ABCB1: variants seen among roughly 807,000 people sequenced by gnomAD.
The protein encoded by ABCB1 is ATP-dependent translocase ABCB1.
A neutral mutation model predicts 142.0 loss-of-function variants in ABCB1; 69 were observed. The observed-to-expected ratio is 0.49, with a 90% CI of 0.40 to 0.59. ABCB1 has a LOEUF of 0.59. ABCB1 is among the 20% of genes least tolerant of loss of function. ABCB1 has a pLI of 0.00. For missense variants in ABCB1, 1,326 were observed against 1,554.7 expected, an observed-to-expected ratio of 0.85 and a Z score of 2.47; for synonymous variants, 532 against 539.2, an observed-to-expected ratio of 0.99 and a Z score of 0.18.
chr7:87,569,973 C>T (rs1817968640), intron 5 of ABCB1, among the ~76,000 whole-genome samples, 199 bp downstream of exon 5: 1 of 152,098 alleles, frequency 6.6e-6, no homozygotes, highest in South Asian at 2.1e-4. Flanking sequence ...CATATATGTC[C>T]ATTTTAAGCT....
chr7:87,516,387 G>A, intron 24 of ABCB1, 122 bp downstream of exon 24: 1 of 1,263,334 alleles, frequency 7.9e-7, no homozygotes, highest in South Asian at 1.2e-5. Context: ...AGGAATCTAT[G>A]ATCTAGGAAG....
chr7:87,521,841 G>A (rs1177139321), intron 21 of ABCB1: 2 of 773,380 alleles, frequency 2.6e-6, no homozygotes, highest in African/African-American at 3.4e-5. Context: ...ATTTTGAATA[G>A]TATGGAAAAA....
intron 4 of ABCB1, among the ~76,000 whole-genome samples, chr7:87,584,962 C>CA (rs1818673693): frequency 6.7e-6 from 1 of 150,146 alleles, no homozygotes; most frequent in Admixed American, 6.6e-5. Flanking sequence ...CCCCCCCACA[C>CA]ACACACACAC....
chr7:87,553,980 G>C, intron 8 of ABCB1, 48 bp from the exon 9 acceptor site: 1 of 1,533,158 alleles, frequency 6.5e-7, no homozygotes. Flanking sequence ...ATGAAAACAT[G>C]TCGATATAGC....
intron 1 of ABCB1, among the ~76,000 whole-genome samples, chr7:87,670,264 T>G (rs1466212382): frequency 6.6e-6 from 1 of 152,248 alleles, no homozygotes; most frequent in Non-Finnish European, 1.5e-5. Context: ...TTTCTTCTGC[T>G]GTCAATACTT....
intron 1 of ABCB1, among the ~76,000 whole-genome samples, chr7:87,639,470 A>C (rs1039066363): frequency 1.7e-4 from 26 of 152,046 alleles, no homozygotes; most frequent in African/African-American, 5.6e-4. Context: ...TATACTCTTT[A>C]GTATTGAGAG....
Position 87,503,910 on chromosome 7 carries a change from A to T in ABCB1, c.*333T>A, listed in dbSNP as rs1052812678. 6 of 352,140 alleles carry T rather than the reference A, an allele frequency of 1.7e-5. No individual in the cohort carries two copies. The highest frequency in any genetic ancestry group is 3.2e-5 in the Non-Finnish European group (6 of 188,054). 21.8% of individuals were successfully genotyped at this position (352,140 alleles called of 1,614,324 possible). On this transcript the variant is annotated 3_prime_UTR_variant, in exon 28 of 28. Transcript: ENST00000622132. ...TATAGACACTTTATGCAAACATTTC[A>T]ATACTTTTTGCTACTTCTATAATCT...
At chr7:87,607,690 C>A (rs1327562147) in intron 1 of ABCB1, among the ~76,000 whole-genome samples, 2 of 151,896 alleles carry the variant, frequency 1.3e-5, no homozygotes, top group Admixed American at 6.6e-5. Context: ...TAGCTGGGAC[C>A]AAAGGTGTGC....
intron 21 of ABCB1, among the ~76,000 whole-genome samples, chr7:87,525,673 C>T (rs1815750544): frequency 6.6e-6 from 1 of 151,834 alleles, no homozygotes; most frequent in South Asian, 2.1e-4. Flanking sequence ...AGGTCTTTAT[C>T]TTCATCATCT....
intron 7 of ABCB1, among the ~76,000 whole-genome samples, chr7:87,565,314 A>G (rs1817743196): frequency 6.6e-6 from 1 of 152,218 alleles, no homozygotes; most frequent in South Asian, 2.1e-4. Context: ...CACAAAAATT[A>G]CATACTGGGC....
intron 1 of ABCB1, among the ~76,000 whole-genome samples, chr7:87,691,714 C>T (rs1245648789): frequency 6.6e-6 from 1 of 152,136 alleles, no homozygotes; most frequent in African/African-American, 2.4e-5. Context: ...ACATGTTTCA[C>T]TACCTCATGT....
intron 22 of ABCB1, among the ~76,000 whole-genome samples, chr7:87,520,406 C>T (rs1815445750): frequency 6.6e-6 from 1 of 151,926 alleles, no homozygotes; most frequent in African/African-American, 2.4e-5. Context: ...ACAGGTAAAC[C>T]CAGGAAGCAC....
At position 87,505,914 on chromosome 7, in the gene ABCB1, C is replaced by T. The variant is rs1814714146; in HGVS notation, c.3619G>A (p.Asp1207Asn). The T allele has an allele frequency of 6.2e-7, 1 of 1,614,032 alleles. No individual in the cohort carries two copies. The highest frequency in any genetic ancestry group is 8.5e-7 in the Non-Finnish European group (1 of 1,180,034). ...LLLDEATSAL[D>N]TESEKVVQEA... is the part of the protein sequence containing the mutation. ...ATTCTTACCTTTTCACTTTCTGTATCCAGAGCTGACGTGGCTTCATCCAAA... is the reference window on the plus strand; with the variant it reads ...ATTCTTACCTTTTCACTTTCTGTATTCAGAGCTGACGTGGCTTCATCCAAA... Residue 1207 changes from aspartate to asparagine, a missense_variant, in exon 27 of 28, where the codon GAT (aspartate) becomes AAT (asparagine). Transcript: ENST00000622132.
At position 87,680,007 on chromosome 7, in the gene ABCB1, C is replaced by T. The variant is rs1248640616; in HGVS notation, c.-331+33154G>A. ...CTGTCACCTACATTAGGTATTTCTC[C>T]TAATGTTATCCCTACCCTAGCCACC... is the stretch of plus-strand genomic sequence containing the variant. On this transcript the variant is annotated intron_variant, in intron 1 of 28. Coordinates refer to the ABCB1 transcript ENST00000265724. 1.3e-5 allele frequency among the ~76,000 whole-genome samples: 2 copies of T among 150,460 alleles called. 1 individual carries two copies. Among genetic ancestry groups the T allele is most frequent in the African/African-American group, 4.9e-5 (2 of 40,476 alleles).
At chr7:87,703,091 A>G (rs1829238209) in intron 1 of ABCB1, among the ~76,000 whole-genome samples, 1 of 152,172 alleles carries the variant, frequency 6.6e-6, no homozygotes, top group African/African-American at 2.4e-5. Context: ...GAAAATAAAG[A>G]TTGAAAATTG....
intron 3 of ABCB1, among the ~76,000 whole-genome samples, chr7:87,586,381 G>T (rs1041366615): frequency 6.6e-6 from 1 of 152,194 alleles, no homozygotes. Flanking sequence ...CAGTTAAGAG[G>T]AATGGGCTCA....
chr7:87,534,146 G>C (rs1816179251), intron 20 of ABCB1, among the ~76,000 whole-genome samples: 2 of 152,144 alleles, frequency 1.3e-5, no homozygotes, highest in South Asian at 4.1e-4. Flanking sequence ...AATTTGAGAG[G>C]CAGGAAGAAA....
At chr7:87,612,713 C>A (rs1819895304) in intron 1 of ABCB1, among the ~76,000 whole-genome samples, 1 of 152,012 alleles carries the variant, frequency 6.6e-6, no homozygotes, top group African/African-American at 2.4e-5. Context: ...CAGATTTGTT[C>A]TTTTTACTTA....
chr7:87,505,176 C>G (rs2117056563), intron 27 of ABCB1, among the ~76,000 whole-genome samples: 1 of 152,170 alleles, frequency 6.6e-6, no homozygotes, highest in Non-Finnish European at 1.5e-5. Flanking sequence ...GTTACCCAGG[C>G]TGGTCTCAAA....
Sources: allele counts gnomAD v4.1 joint callset (sites outside exome capture counted in the v4.1 genomes callset), GRCh38; gene constraint gnomAD v4.1.1; transcripts MANE v1.5; gene names NCBI Gene and HGNC (gene_info 2026-07-23, HGNC 2026-07-21).